SPATA6: variants seen among roughly 807,000 people sequenced by gnomAD.
The protein encoded by SPATA6 is spermatogenesis-associated protein 6.
SPATA6 carries 56 observed loss-of-function variants against 65.3 expected under a neutral mutation model. The ratio of observed to expected loss-of-function variants is 0.86; its 90% CI spans 0.69 to 1.07. SPATA6 has a LOEUF of 1.07. SPATA6 is among the 50% of genes least tolerant of loss of function. SPATA6 has a pLI of 0.00. For missense variants in SPATA6, 590 were observed against 594.8 expected (o/e 0.99, Z 0.08); for synonymous variants, 199 against 213.2 (o/e 0.93, Z 0.58).
At chr1:48,462,164 A>G (rs1237018762) in intron 1 of SPATA6, among the ~76,000 whole-genome samples, 1 of 151,870 alleles carries the variant, frequency 6.6e-6, no homozygotes, top group Non-Finnish European at 1.5e-5. Flanking sequence ...TGGACACAGG[A>G]AGGGGAACAT....
chr1:48,417,620 C>A (rs1652895647), intron 3 of SPATA6, among the ~76,000 whole-genome samples: 1 of 151,992 alleles, frequency 6.6e-6, no homozygotes, highest in Non-Finnish European at 1.5e-5. Context: ...TCGAGTCCAG[C>A]CTGGCCAATA....
chr1:48,278,555 T>C, the SPATA6 span, among the ~76,000 whole-genome samples: 2 of 152,128 alleles, frequency 1.3e-5, no homozygotes, highest in East Asian at 1.9e-4. Context: ...CAGGAGCTGA[T>C]GTGATCAACT....
chr1:48,433,003 C>T (rs375706978), intron 3 of SPATA6, among the ~76,000 whole-genome samples: 173 of 152,224 alleles, frequency 1.1e-3, no homozygotes, highest in Non-Finnish European at 1.9e-3. Flanking sequence ...GAAAACATTA[C>T]GCTATGTAAA....
chr1:48,293,595 G>A (rs184674142), downstream of SPATA6, among the ~76,000 whole-genome samples: 5 of 152,246 alleles, frequency 3.3e-5, no homozygotes, highest in Admixed American at 6.5e-5. Flanking sequence ...CCTTGGTAAT[G>A]AGAGTAATGC....
chr1:48,437,473 C>T, intron 3 of SPATA6, among the ~76,000 whole-genome samples: 1 of 152,270 alleles, frequency 6.6e-6, no homozygotes, highest in South Asian at 2.1e-4. Context: ...GAATTTTTTT[C>T]TAAGCTGTGA....
At position 48,312,469 on chromosome 1, in the gene SPATA6, G is replaced by C. The variant is rs569473140; in HGVS notation, c.1195-6591C>G. ...AATGGACCTCCAGCAAATTCCAACA[G>C]ACCTGCAGCTGAGGGTCCTCACTGC... is the stretch of plus-strand genomic sequence containing the variant. On this transcript the variant is annotated intron_variant, in intron 11 of 12. Transcript: ENST00000371847. 7.9e-5 allele frequency among the ~76,000 whole-genome samples: 12 copies of C among 152,278 alleles called. No individual in the cohort carries two copies. The South Asian group carries it at 1.7e-3, about 21-fold the overall frequency.
At chr1:48,272,506 G>A in the SPATA6 span, among the ~76,000 whole-genome samples, 2 of 152,074 alleles carry the variant, frequency 1.3e-5, no homozygotes, top group African/African-American at 4.8e-5. Flanking sequence ...AGTCACAAAT[G>A]GCAGGATTTC....
intron 3 of SPATA6, among the ~76,000 whole-genome samples, chr1:48,425,114 A>G (rs1490253833): frequency 6.6e-6 from 1 of 152,160 alleles, no homozygotes; most frequent in African/African-American, 2.4e-5. Flanking sequence ...TAGTAGTTTC[A>G]TAATTTGAGG....
chr1:48,338,489 C>A, intron 11 of SPATA6, among the ~76,000 whole-genome samples: 1 of 151,954 alleles, frequency 6.6e-6, no homozygotes, highest in East Asian at 1.9e-4. Flanking sequence ...GGGCACAGGC[C>A]CTGAAAACAC....
chr1:48,290,406 T>C (rs1644758689), downstream of SPATA6, among the ~76,000 whole-genome samples: 1 of 152,192 alleles, frequency 6.6e-6, no homozygotes, highest in South Asian at 2.1e-4. Flanking sequence ...TGCCAAATTG[T>C]AAAGACCATC....
chr1:48,361,239 G>A (rs1646804318), intron 9 of SPATA6, among the ~76,000 whole-genome samples: 1 of 152,092 alleles, frequency 6.6e-6, no homozygotes, highest in Non-Finnish European at 1.5e-5. Context: ...CTTGAAAGAT[G>A]AAAAGAAAAC....
chr1:48,288,350 T>G, the SPATA6 span, among the ~76,000 whole-genome samples: 1 of 152,196 alleles, frequency 6.6e-6, no homozygotes, highest in East Asian at 1.9e-4. Context: ...ATTGAAAGTT[T>G]AAGAAGCCGA....
intron 11 of SPATA6, among the ~76,000 whole-genome samples, chr1:48,319,394 G>A (rs181259858): frequency 3.0e-4 from 46 of 152,192 alleles, no homozygotes; most frequent in African/African-American, 1.1e-3. Flanking sequence ...AATATATAAA[G>A]AGCTCTCAAA....
At chr1:48,447,214 T>C (rs1000158878) in intron 3 of SPATA6, among the ~76,000 whole-genome samples, 1 of 152,124 alleles carries the variant, frequency 6.6e-6, no homozygotes, top group Non-Finnish European at 1.5e-5. Flanking sequence ...GGTAAGCTTT[T>C]GGGGGAGTCA....
intron 5 of SPATA6, among the ~76,000 whole-genome samples, chr1:48,406,104 T>G (rs1413614050): frequency 6.6e-6 from 1 of 152,020 alleles, no homozygotes. Flanking sequence ...AAGGTGCACA[T>G]GTGCAGCAGG....
intron 1 of SPATA6, among the ~76,000 whole-genome samples, chr1:48,464,865 T>C (rs1657701399): frequency 6.6e-6 from 1 of 152,158 alleles, no homozygotes; most frequent in Non-Finnish European, 1.5e-5. Flanking sequence ...TTGTGTACTT[T>C]ATGAATATAT....
intron 9 of SPATA6, among the ~76,000 whole-genome samples, chr1:48,366,499 C>T (rs1647018107): frequency 6.6e-6 from 1 of 151,782 alleles, no homozygotes; most frequent in Admixed American, 6.6e-5. Flanking sequence ...TATTCAGAGT[C>T]AACTTCTTCC....
At chr1:48,436,822 T>C (rs1654984558) in intron 3 of SPATA6, 2 of 1,613,554 alleles carry the variant, frequency 1.2e-6, no homozygotes, top group Admixed American at 3.3e-5. Flanking sequence ...AGGTCCTCCT[T>C]ATAGCCCATT....
intron 9 of SPATA6, among the ~76,000 whole-genome samples, chr1:48,362,996 CAGG>C (rs1003871110): frequency 1.3e-5 from 2 of 151,886 alleles, no homozygotes; most frequent in African/African-American, 2.4e-5. Context: ...GTTAAATAAA[CAGG>C]AGAACTCAAA....
Sources: allele counts gnomAD v4.1 joint callset (sites outside exome capture counted in the v4.1 genomes callset), GRCh38; gene constraint gnomAD v4.1.1; transcripts MANE v1.5; gene names NCBI Gene and HGNC (gene_info 2026-07-23, HGNC 2026-07-21).